Variants in C1R observed in about 807,000 individuals in gnomAD.
C1R encodes complement C1r subcomponent.
In C1R, 15 loss-of-function variants were observed where a neutral mutation model predicts 27.6. That is an observed-to-expected ratio of 0.54 (90% confidence interval 0.36 to 0.84). C1R has a LOEUF of 0.84. Among genes scored for constraint, C1R ranks in the 40% least tolerant of loss-of-function variants. The pLI, the probability that C1R is intolerant of heterozygous loss-of-function variation, is 0.01. For missense variants in C1R, 544 were observed against 577.9 expected, an observed-to-expected ratio of 0.94 and a Z score of 0.60; for synonymous variants, 253 against 228.8, an observed-to-expected ratio of 1.11 and a Z score of -0.95.
At chr12:7,081,476 GTT>G (rs370513331) in intron 10 of C1R, among the ~76,000 whole-genome samples, 175 bp from the exon 11 acceptor site, 2 of 134,748 alleles carry the variant, frequency 1.5e-5, no homozygotes, top group Non-Finnish European at 1.6e-5. Flanking sequence ...TCTTGTTCTT[GTT>G]TTTTTTTTTT....
rs1249045294 is a variant in C1R at position 7,090,047 on chromosome 12, G to T, written c.424+9C>A. 1 of 767,728 alleles carries T rather than the reference G, an allele frequency of 1.3e-6. No homozygotes were observed. The allele number at this position is 767,728 out of a possible 1,614,324, so 47.6% of individuals were successfully genotyped here. A position where few individuals can be genotyped will look rare whatever the true frequency, so the allele number is the denominator to read the frequency against. On this transcript the variant is annotated intron_variant, in intron 3 of 10. Transcript: ENST00000647956. ...GTCAGAGAAAAGGGATCCCTGGGGG[G>T]CTACTCACCCACAGCTTGGTAGTAG... is the stretch of plus-strand genomic sequence containing the variant.
In C1R at chr12:7,090,207, T is replaced by G; in HGVS notation, c.273A>C (p.Gln91His). The G allele has an allele frequency of 1.3e-6, 1 of 746,278 alleles. No homozygotes were observed. Among genetic ancestry groups the G allele is most frequent in the South Asian group, 1.4e-5 (1 of 70,178 alleles). The allele number at this position is 746,278 out of a possible 1,614,324, so 46.2% of individuals were successfully genotyped here. A position where few individuals can be genotyped will look rare whatever the true frequency, so the allele number is the denominator to read the frequency against. ...DKKSLGRFCG[Q>H]LGSPLGNPPG... ...GGGGGTTGCCCAGTGGAGAACCCAG[T>G]TGCCCACAGAACCTCCCCAGGCTTT... is the stretch of plus-strand genomic sequence containing the variant. Residue 91 changes from glutamine to histidine, a missense_variant, in exon 3 of 11, where the codon CAA becomes CAC. Transcript: ENST00000647956.
In C1R at chr12:7,085,895, C is replaced by T. The variant is rs988290457; in HGVS notation, c.1239G>A (p.Met413Ile). The T allele has an allele frequency of 3.5e-5, 14 of 398,528 alleles. No homozygotes were observed. The highest frequency in any genetic ancestry group is 6.2e-5 in the Non-Finnish European group (14 of 226,110). The allele number at this position is 398,528 out of a possible 1,614,324, so 24.7% of individuals were successfully genotyped here. The change falls in exon 9 of 11, where the codon ATG becomes ATA. Residue 413 changes from methionine (M) to isoleucine (I), a missense_variant. Around this residue, in one of 2 missense-constraint regions of C1R, gnomAD observed 291 missense variants for 209.0 expected, o/e 1.39. Coordinates refer to ENST00000647956, the MANE Select transcript of C1R (RefSeq NM_001733.7). The stretch of plus-strand genomic sequence containing the variant: ...ACTCCCTGCTGCCAGCTCTGGTCTG[C>T]ATCTTGTAATATGGCTCATGGCAGT... The part of the protein sequence containing the change: ...QYYCHEPYYK[M>I]QTRAGSRESE...
Position 7,089,348 on chromosome 12 carries a change from T to C in C1R, c.713A>G (p.Glu238Gly), listed in dbSNP as rs748332427. The C allele has an allele frequency of 1.3e-6, 1 of 780,620 alleles. No homozygotes were observed. Among genetic ancestry groups the C allele is most frequent in the East Asian group, 2.4e-5 (1 of 41,246 alleles). The allele number at this position is 780,620 out of a possible 1,614,324, so 48.4% of individuals were successfully genotyped here. ...RGLTLHLKFL[E>G]PFDIDDHQQV... ...CTGGTGGTCATCAATATCAAAAGGC[T>C]CCAGGAACTTGAGGTGCAGGGTGAG... The change falls in exon 5 of 11, where the codon GAG becomes GGG. Residue 238 changes from glutamate (E) to glycine (G), a missense_variant. Glu to Gly is a moderately conservative substitution (Grantham distance 98, BLOSUM62 -2). Coordinates refer to ENST00000647956, the MANE Select transcript of C1R (RefSeq NM_001733.7).
chr12:7,080,219 T>C lies in C1R; in HGVS notation c.*313A>G, dbSNP rs1938027809. 4 of 863,038 alleles carry C rather than the reference T, an allele frequency of 4.6e-6. No homozygotes were observed. The highest frequency in any genetic ancestry group is 5.4e-4 in the Middle Eastern group (1 of 1,846). 53.5% of individuals were successfully genotyped at this position (863,038 alleles called of 1,614,324 possible). On this transcript the variant is annotated 3_prime_UTR_variant, in exon 11 of 11. Coordinates refer to ENST00000647956, the MANE Select transcript of C1R (RefSeq NM_001733.7). This position sits in a 1 kb window ranked among gnomAD's most constrained non-coding sequence, Gnocchi z 4.9. ...ACAACTTTTGACTCATTTTGCACAC[T>C]GGCATTTCTCATAAAACTTTATTTG... is the stretch of plus-strand genomic sequence containing the variant.
rs372284826 is a variant in C1R at position 7,081,035 on chromosome 12, T to G, written c.1615A>C (p.Arg539=). Residue 539 remains arginine, a synonymous_variant, in exon 11 of 11, where the codon AGG becomes CGG. Transcript: ENST00000647956. ...LMKLGNHPIR[R]VSVHPDYRQD... is the part of the protein sequence containing the mutation. Reference sequence around the variant, plus strand: ...CGGTAGTCCGGGTGGACGCTGACCCTGCGGATGGGGTGATTTCCTAGCTTC... The same window carrying G: ...CGGTAGTCCGGGTGGACGCTGACCCGGCGGATGGGGTGATTTCCTAGCTTC... 1 of 1,613,916 alleles carries G rather than the reference T, an allele frequency of 6.2e-7. No individual in the cohort carries two copies. The highest frequency in any genetic ancestry group is 8.5e-7 in the Non-Finnish European group (1 of 1,179,896).
At chr12:7,081,343 G>A (rs1464894308) in intron 10 of C1R, 42 bp from the exon 11 acceptor site, 65 of 1,555,970 alleles carry the variant, frequency 4.2e-5, no homozygotes, top group Non-Finnish European at 5.3e-5. Context: ...TCAGTTCCAG[G>A]TCCCACATCT....
intron 9 of C1R, among the ~76,000 whole-genome samples, chr12:7,085,399 G>T (rs1271948666): frequency 1.3e-5 from 2 of 151,246 alleles, no homozygotes; most frequent in South Asian, 2.1e-4. Flanking sequence ...TGGCATCGGT[G>T]TTAGTAATGG....
At position 7,090,180 on chromosome 12, in the gene C1R, C is replaced by T. The variant is rs781084847; in HGVS notation, c.300G>A (p.Pro100=). ...CTTGGGACATAAATTCCTTCTTTCC[C>T]GGGGGGTTGCCCAGTGGAGAACCCA... The part of the protein sequence containing the change: ...GQLGSPLGNP[P]GKKEFMSQGN... Residue 100 remains proline, a synonymous_variant, in exon 3 of 11, where the codon CCG becomes CCA. Transcript: ENST00000647956. 92 of 757,614 alleles carry T rather than the reference C, an allele frequency of 1.2e-4. No homozygotes were observed. Among genetic ancestry groups the T allele is most frequent in the Admixed American group, 1.0e-3 (57 of 55,312 alleles). 46.9% of individuals were successfully genotyped at this position (757,614 alleles called of 1,614,324 possible). A position where few individuals can be genotyped will look rare whatever the true frequency, so the allele number is the denominator to read the frequency against.
chr12:7,081,640 G>A (rs1938066284), intron 10 of C1R, among the ~76,000 whole-genome samples: 1 of 152,084 alleles, frequency 6.6e-6, no homozygotes, highest in Admixed American at 6.5e-5. Context: ...CTACAGGCAT[G>A]TGCCACCATG....
At chr12:7,081,923 G>T in intron 10 of C1R, 109 bp downstream of exon 10, 1 of 877,254 alleles carries the variant, frequency 1.1e-6, no homozygotes. Context: ...CTTTCTCCTG[G>T]GATGTTCCCC....
chr12:7,089,398 G>C lies in C1R; in HGVS notation c.663C>G (p.Asn221Lys). The C allele has an allele frequency of 1.3e-6, 1 of 780,680 alleles. No individual in the cohort carries two copies. The highest frequency in any genetic ancestry group is 1.3e-5 in the South Asian group (1 of 74,610). The allele number at this position is 780,680 out of a possible 1,614,324, so 48.4% of individuals were successfully genotyped here. ...GGCCCCGCTCCACCCGGATGCTGTA[G>C]TTGCAGCGCAGGTCAGGGGGGTAGG... ...PRSYPPDLRC[N>K]YSIRVERGLT... is the part of the protein sequence containing the mutation. Residue 221 changes from asparagine (N) to lysine (K), a missense_variant, in exon 5 of 11, where the codon AAC becomes AAG. Physicochemically the swap from Asn to Lys is moderately conservative, Grantham distance 94 (BLOSUM62 0). Around this residue, in one of 2 missense-constraint regions of C1R, gnomAD observed 291 missense variants for 209.0 expected, o/e 1.39. Transcript: ENST00000647956.
Position 7,085,937 on chromosome 12 carries a change from C to G in C1R, c.1197G>C (p.Lys399Asn). The G allele has an allele frequency of 2.5e-6, 1 of 398,630 alleles. No individual in the cohort carries two copies. The highest frequency in any genetic ancestry group is 4.4e-6 in the Non-Finnish European group (1 of 226,082). 24.7% of individuals were successfully genotyped at this position (398,630 alleles called of 1,614,324 possible). A position where few individuals can be genotyped will look rare whatever the true frequency, so the allele number is the denominator to read the frequency against. ...CATGGCAGTAGTACTGGATACGGGC[C>G]TTGTAGGTGTTCACTCCCATTGTGG... ...YTTTMGVNTY[K>N]ARIQYYCHEP... The change falls in exon 9 of 11, where the codon AAG becomes AAC. Residue 399 changes from lysine to asparagine, a missense_variant. Transcript: ENST00000647956.
In C1R at chr12:7,091,833, C is replaced by T. The variant is rs747716081; in HGVS notation, c.3-153G>A. The T allele has an allele frequency of 5.5e-5, 39 of 702,752 alleles. No homozygotes were observed. Among genetic ancestry groups the T allele is most frequent in the Middle Eastern group, 2.4e-4 (1 of 4,132 alleles). The allele number at this position is 702,752 out of a possible 1,614,324, so 43.5% of individuals were successfully genotyped here. A position where few individuals can be genotyped will look rare whatever the true frequency, so the allele number is the denominator to read the frequency against. ...CACAGACATGTTCTCAGCAGGGGTG[C>T]GTGGGTGGGGAGGATGGCCTGTGCA... On this transcript the variant is annotated intron_variant, in intron 1 of 10. Coordinates refer to ENST00000647956, the MANE Select transcript of C1R (RefSeq NM_001733.7). This position sits in a 1 kb window ranked among gnomAD's most constrained non-coding sequence, Gnocchi z 5.1.
chr12:7,088,571 T>C (rs1447372591), intron 7 of C1R, 39 bp downstream of exon 7: 2 of 718,742 alleles, frequency 2.8e-6, no homozygotes, highest in Non-Finnish European at 5.2e-6. Context: ...CCTCCTGGGG[T>C]GCTGGGCCGG....
chr12:7,083,155 G>A (rs1938093440), intron 9 of C1R, among the ~76,000 whole-genome samples: 1 of 152,254 alleles, frequency 6.6e-6, no homozygotes, highest in Non-Finnish European at 1.5e-5. Flanking sequence ...ATGGAGAGGG[G>A]AGTTTCACTG....
In C1R at chr12:7,086,436, A is replaced by T; in HGVS notation, c.1060T>A (p.Phe354Ile). The change falls in exon 8 of 11, where the codon TTC (phenylalanine) becomes ATC (isoleucine). Residue 354 changes from phenylalanine (F) to isoleucine (I), a missense_variant. Phe to Ile is a conservative substitution (Grantham distance 21). This residue lies in a region of C1R where 291 missense variants were observed against 209.0 expected (regional missense o/e 1.39). Transcript: ENST00000647956. ...CCATCATCCTGGCAGACAGCTGTGA[A>T]GGAATGCAGCACCTGGTTCCCCTGT... ...LIEGNQVLHS[F>I]TAVCQDDGTW... The T allele has an allele frequency of 2.5e-6, 1 of 398,728 alleles. No homozygotes were observed. The highest frequency in any genetic ancestry group is 4.4e-6 in the Non-Finnish European group (1 of 226,136). The allele number at this position is 398,728 out of a possible 1,614,324, so 24.7% of individuals were successfully genotyped here. A position where few individuals can be genotyped will look rare whatever the true frequency, so the allele number is the denominator to read the frequency against.
chr12:7,089,448 T>C lies in C1R; in HGVS notation c.613A>G (p.Ile205Val). 3.9e-6 allele frequency: 3 copies of C among 778,340 alleles called. No homozygotes were observed. The highest frequency in any genetic ancestry group is 7.2e-6 in the Non-Finnish European group (3 of 416,414). 48.2% of individuals were successfully genotyped at this position (778,340 alleles called of 1,614,324 possible). A position where few individuals can be genotyped will look rare whatever the true frequency, so the allele number is the denominator to read the frequency against. Residue 205 changes from isoleucine (I) to valine (V), a missense_variant, in exon 5 of 11, where the codon ATC (isoleucine) becomes GTC (valine). By Grantham distance (29) the Ile-to-Val change is conservative (BLOSUM62 3). Transcript: ENST00000647956. ...SELYTEASGY[I>V]SSLEYPRSYP... ...GACCGAGGGTACTCCAGGCTGGAGA[T>C]GTAGCCTGATGCCTCCGTGTACAGC...
chr12:7,085,819 G>A (rs924945672), intron 9 of C1R, 42 bp downstream of exon 9: 2 of 398,460 alleles, frequency 5.0e-6, no homozygotes, highest in Non-Finnish European at 8.9e-6. Flanking sequence ...GATACCCCAA[G>A]GGGATGGAAG....
Sources: gnomAD v4.1 joint callset for allele counts (sites outside exome capture counted in the v4.1 genomes callset) on GRCh38, gnomAD v4.1.1 for gene constraint, gnomAD v4.1.1 regional missense constraint, Gnocchi (gnomAD v3.1) non-coding constraint, MANE v1.5 for transcripts, NCBI Gene and HGNC (gene_info 2026-07-23, HGNC 2026-07-21) for gene names.